The following LRPPRC variants were observed in gnomAD, a reference collection of about 807,000 sequenced individuals.
The protein encoded by LRPPRC is leucine rich pentatricopeptide repeat containing.
A neutral mutation model predicts 180.3 loss-of-function variants in LRPPRC; 120 were observed. The ratio of observed to expected loss-of-function variants is 0.67; its 90% CI spans 0.57 to 0.77. The LOEUF (loss-of-function observed/expected upper bound fraction) is 0.77. Among genes scored for constraint, LRPPRC ranks in the 30% least tolerant of loss-of-function variants. LRPPRC has a pLI of 0.00. For missense variants in LRPPRC, 2,012 were observed against 1,657.2 expected (o/e 1.21, Z -3.72); for synonymous variants, 723 against 600.0 (o/e 1.21, Z -3.00).
At position 43,886,468 on chromosome 2, in the gene LRPPRC, T is replaced by C. The variant is rs1307249565; in HGVS notation, c.*2132A>G. 6 of 152,320 alleles carry C rather than the reference T, an allele frequency of 3.9e-5. No homozygotes were observed. In the East Asian group the frequency reaches 1.2e-3, roughly 29 times the overall value. 9.4% of individuals were successfully genotyped at this position (152,320 alleles called of 1,614,324 possible). On this transcript the variant is annotated 3_prime_UTR_variant, in exon 38 of 38. Coordinates refer to ENST00000260665, the MANE Select transcript of LRPPRC (RefSeq NM_133259.4). ...AACACTCATAAGCCCACCTACAGTATAGTTATTATACTTTAAATATTTATA... is the reference window on the plus strand; with the variant it reads ...AACACTCATAAGCCCACCTACAGTACAGTTATTATACTTTAAATATTTATA...
At chr2:43,924,939 C>A in intron 27 of LRPPRC, 128 bp downstream of exon 27, 2 of 716,188 alleles carry the variant, frequency 2.8e-6, no homozygotes, top group South Asian at 1.5e-5. Flanking sequence ...CTAGCCTCTA[C>A]CTGAGCCTCT....
At chr2:43,962,431 T>C (rs1054415087) in intron 12 of LRPPRC, among the ~76,000 whole-genome samples, 1 of 152,190 alleles carries the variant, frequency 6.6e-6, no homozygotes, top group Non-Finnish European at 1.5e-5. Flanking sequence ...ATTAGAAAAA[T>C]CAAGGTATTA....
At chr2:43,926,423 A>G (rs1671881303) in intron 25 of LRPPRC, among the ~76,000 whole-genome samples, 2 of 152,152 alleles carry the variant, frequency 1.3e-5, no homozygotes, top group South Asian at 4.1e-4. Flanking sequence ...ACAGAGTCTC[A>G]ATGGCATGAT....
chr2:43,953,082 A>G (rs1572538164), intron 14 of LRPPRC, among the ~76,000 whole-genome samples: 1 of 152,252 alleles, frequency 6.6e-6, no homozygotes, highest in South Asian at 2.1e-4. Flanking sequence ...CTCAGCCTCA[A>G]TGCCTCGGCC....
chr2:43,918,144 A>C lies in LRPPRC; in HGVS notation c.3040-11T>G. On this transcript the variant is annotated splice_polypyrimidine_tract_variant and intron_variant, in intron 28 of 37. Coordinates refer to ENST00000260665, the MANE Select transcript of LRPPRC (RefSeq NM_133259.4). Reference sequence around the variant, plus strand: ...ATCTTCATACCACAACTTTAAAACAAAGTTATTCTGTTAAATAAAAACTGG... The same window carrying C: ...ATCTTCATACCACAACTTTAAAACACAGTTATTCTGTTAAATAAAAACTGG... 3.1e-6 allele frequency: 5 copies of C among 1,609,612 alleles called. No individual in the cohort carries two copies. Among genetic ancestry groups the C allele is most frequent in the Non-Finnish European group, 4.3e-6 (5 of 1,175,956 alleles).
chr2:43,974,740 T>A lies in LRPPRC; in HGVS notation c.883A>T (p.Lys295Ter). ...HVKQTLEKVE[K>*]SELHLMDRDL... ...CGGTCCATAAGGTGAAGCTCGGACT[T>A]CTCCACCTTCTCCAGAGTCTATAGA... The change falls in exon 8 of 38, where the codon AAG (lysine) becomes TAG (stop). Residue 295 changes from lysine (K) to a stop codon, truncating the protein, a stop_gained. Coordinates refer to ENST00000260665, the MANE Select transcript of LRPPRC (RefSeq NM_133259.4). LOFTEE classifies it high-confidence loss of function. 1 of 1,613,670 alleles carries A rather than the reference T, an allele frequency of 6.2e-7. No homozygotes were observed. The highest frequency in any genetic ancestry group is 8.5e-7 in the Non-Finnish European group (1 of 1,179,664).
upstream of LRPPRC, chr2:43,996,020 C>T: frequency 6.7e-7 from 1 of 1,484,428 alleles, no homozygotes; most frequent in Non-Finnish European, 9.0e-7. Context: ...GCAGGGTAGC[C>T]TGGCGCGGCA....
Position 43,957,265 on chromosome 2 carries a change from G to A in LRPPRC, c.1649+120C>T, listed in dbSNP as rs567326007. The A allele has an allele frequency of 1.8e-5, 14 of 777,958 alleles. No homozygotes were observed. In the African/African-American group the frequency reaches 2.4e-4, roughly 13 times the overall value. The allele number at this position is 777,958 out of a possible 1,614,324, so 48.2% of individuals were successfully genotyped here. On this transcript the variant is annotated intron_variant, in intron 14 of 37. Coordinates refer to ENST00000260665, the MANE Select transcript of LRPPRC (RefSeq NM_133259.4). ...AATTAAACAAGCAAAGGTTATTTCA[G>A]GTAAACTGAATGTACACTGAAAGAT... is the stretch of plus-strand genomic sequence containing the variant.
At chr2:43,960,490 A>G in intron 13 of LRPPRC, 51 bp downstream of exon 13, 1 of 997,064 alleles carries the variant, frequency 1.0e-6, no homozygotes, top group Admixed American at 1.7e-5. Context: ...TGCCCTCAAT[A>G]GTAACTGAAA....
At chr2:43,947,418 T>A (rs552477288) in intron 19 of LRPPRC, 48 bp from the exon 20 acceptor site, 1 of 906,432 alleles carries the variant, frequency 1.1e-6, no homozygotes, top group African/African-American at 1.6e-5. Context: ...AAAGGAAATA[T>A]AGTATGCCTT....
At chr2:43,945,604 T>C (rs1284531256) in intron 21 of LRPPRC, among the ~76,000 whole-genome samples, 187 bp from the exon 22 acceptor site, 4 of 152,108 alleles carry the variant, frequency 2.6e-5, no homozygotes. Context: ...TCAAAGTGAC[T>C]AGTGAAGTAA....
In LRPPRC at chr2:43,977,685, G is replaced by T. The variant is rs535422080; in HGVS notation, c.470-409C>A. 3.3e-5 allele frequency among the ~76,000 whole-genome samples: 5 copies of T among 152,252 alleles called. No homozygotes were observed. The East Asian group carries it at 9.6e-4, about 29-fold the overall frequency. On this transcript the variant is annotated intron_variant, in intron 3 of 37. Coordinates refer to ENST00000260665, the MANE Select transcript of LRPPRC (RefSeq NM_133259.4). ...TTCTTTCACACAGTAGGACTGTGCT[G>T]GCAATTCTGTCACTCAAAGCCTTCA...
intron 29 of LRPPRC, among the ~76,000 whole-genome samples, chr2:43,914,843 A>ATGTATTTAATGTTTTAATTGTATTTAAT (rs1332677192): frequency 2.0e-5 from 3 of 152,148 alleles, no homozygotes; most frequent in African/African-American, 7.2e-5. Flanking sequence ...TAATTATTTA[A>ATGTATTTAATGTTTTAATTGTATTTAAT]CTACTTAAAT....
At chr2:43,985,250 C>T (rs1017094119) in intron 1 of LRPPRC, among the ~76,000 whole-genome samples, 4 of 152,216 alleles carry the variant, frequency 2.6e-5, no homozygotes, top group East Asian at 3.9e-4. Flanking sequence ...ACTGAAAGAA[C>T]AGTTCCCACT....
At chr2:43,963,990 G>A (rs1345595795) in intron 11 of LRPPRC, among the ~76,000 whole-genome samples, 1 of 152,136 alleles carries the variant, frequency 6.6e-6, no homozygotes, top group Non-Finnish European at 1.5e-5. Flanking sequence ...CAACATTTCT[G>A]GCACCCCAAA....
chr2:43,977,904 C>G (rs1406469531), intron 3 of LRPPRC, among the ~76,000 whole-genome samples: 6 of 152,144 alleles, frequency 3.9e-5, no homozygotes, highest in Non-Finnish European at 8.8e-5. Context: ...GGTAACATGT[C>G]TCACTACATT....
intron 35 of LRPPRC, among the ~76,000 whole-genome samples, chr2:43,895,285 C>G (rs72798846): frequency 6.6e-6 from 1 of 152,204 alleles, no homozygotes; most frequent in Non-Finnish European, 1.5e-5. Context: ...AACTATTCTA[C>G]TGTCAAGCAA....
Position 43,948,181 on chromosome 2 carries a change from T to G in LRPPRC, c.1861A>C (p.Asn621His), listed in dbSNP as rs1672762924. ...AGATTACGAATGCCTCTGTAGATAT[T>G]TTCAGGAATTTTTACATTCTGTGAG... Reference protein sequence around the residue: ...LEKMNVKIPENIYRGIRNLLE... With the variant: ...LEKMNVKIPEHIYRGIRNLLE... The change falls in exon 18 of 38, where the codon AAT (asparagine) becomes CAT (histidine). Residue 621 changes from asparagine to histidine, a missense_variant. Physicochemically the swap from Asn to His is moderately conservative, Grantham distance 68 (BLOSUM62 1). Coordinates refer to ENST00000260665, the MANE Select transcript of LRPPRC (RefSeq NM_133259.4). 6.2e-7 allele frequency: 1 copy of G among 1,602,952 alleles called. No individual in the cohort carries two copies. Among genetic ancestry groups the G allele is most frequent in the Non-Finnish European group, 8.5e-7 (1 of 1,169,910 alleles).
intron 30 of LRPPRC, among the ~76,000 whole-genome samples, chr2:43,907,031 C>G (rs996093968): frequency 6.6e-6 from 1 of 152,138 alleles, no homozygotes; most frequent in Non-Finnish European, 1.5e-5. Context: ...AAATGAGACA[C>G]TATTAAAAGC....
Sources: allele counts gnomAD v4.1 joint callset (sites outside exome capture counted in the v4.1 genomes callset), GRCh38; gene constraint gnomAD v4.1.1; transcripts MANE v1.5; gene names NCBI Gene and HGNC (gene_info 2026-07-23, HGNC 2026-07-21).